Variants in SCAPER observed in about 807,000 individuals in gnomAD.
SCAPER encodes S phase cyclin A-associated protein in the endoplasmic reticulum.
SCAPER carries 98 observed loss-of-function variants against 182.2 expected under a neutral mutation model. The ratio of observed to expected loss-of-function variants is 0.54; its 90% CI spans 0.46 to 0.64. The LOEUF is 0.64. Ranked by LOEUF, SCAPER falls within the 30% of genes least tolerant of loss-of-function variation. The probability of loss-of-function intolerance (pLI) is 0.00; values close to 1 mark genes in which losing one functional copy is unlikely to be tolerated. For synonymous variants in SCAPER, 605 were observed against 564.6 expected, an observed-to-expected ratio of 1.07 and a Z score of -1.01; for missense variants, 1,432 against 1,690.0, an observed-to-expected ratio of 0.85 and a Z score of 2.68.
Position 76,602,544 on chromosome 15 carries a change from G to A in SCAPER, c.2711+19220C>T. On this transcript the variant is annotated intron_variant, in intron 22 of 31. Coordinates refer to ENST00000563290, the MANE Select transcript of SCAPER (RefSeq NM_020843.4). Reference sequence around the variant, plus strand: ...TAGAATTTTTTGTTTTTGTTTTTTGGGGGAAGCATTTATCTTGCTTGGTAT... The same window carrying A: ...TAGAATTTTTTGTTTTTGTTTTTTGAGGGAAGCATTTATCTTGCTTGGTAT... Among the ~76,000 whole-genome samples the A allele has an allele frequency of 1.7e-5, 2 of 119,824 alleles. 1 individual carries two copies. Among genetic ancestry groups the A allele is most frequent in the Non-Finnish European group, 4.0e-5 (2 of 49,492 alleles). The allele number at this position is 119,824 out of a possible 152,430, so 78.6% of individuals were successfully genotyped here.
At chr15:76,449,702 T>C (rs1367464093) in intron 25 of SCAPER, among the ~76,000 whole-genome samples, 1 of 152,192 alleles carries the variant, frequency 6.6e-6, no homozygotes, top group Non-Finnish European at 1.5e-5. Context: ...TCCACGCCTC[T>C]TGCACCAGCA....
intron 20 of SCAPER, among the ~76,000 whole-genome samples, chr15:76,698,624 G>A (rs1043372435): frequency 3.3e-5 from 5 of 152,156 alleles, no homozygotes; most frequent in African/African-American, 1.2e-4. Context: ...CAAGCAGACA[G>A]TACCAGTCTT....
intron 21 of SCAPER, among the ~76,000 whole-genome samples, chr15:76,634,851 TTG>T (rs34278755): frequency 1.3e-3 from 192 of 149,982 alleles, no homozygotes; most frequent in African/African-American, 3.6e-3. Flanking sequence ...GTGTGGGTAT[TTG>T]TGTGTGTGTG....
chr15:76,425,867 C>T (rs892890979), intron 26 of SCAPER, among the ~76,000 whole-genome samples: 3 of 152,196 alleles, frequency 2.0e-5, no homozygotes, highest in Admixed American at 6.5e-5. Context: ...GTTGGAGTTT[C>T]CTCAGGTCCA....
At chr15:76,781,836 G>A (rs1276998465) in intron 8 of SCAPER, among the ~76,000 whole-genome samples, 3 of 152,158 alleles carry the variant, frequency 2.0e-5, no homozygotes, top group Non-Finnish European at 4.4e-5. Flanking sequence ...ACAAGCAAAT[G>A]CTGAGAGATT....
At position 76,381,802 on chromosome 15, in the gene SCAPER, T is replaced by C. The variant is rs540137438; in HGVS notation, c.3468-187A>G. On this transcript the variant is annotated intron_variant, in intron 27 of 31. Coordinates refer to ENST00000563290, the MANE Select transcript of SCAPER (RefSeq NM_020843.4). ...CCAACTGCACTGTGGCTTTTTCTTC[T>C]CCTGGAAGACCAGGCTGCTGCAGCA... is the stretch of plus-strand genomic sequence containing the variant. Among the ~76,000 whole-genome samples, 9 of 152,324 alleles carry C rather than the reference T, an allele frequency of 5.9e-5. No individual in the cohort carries two copies. In the South Asian group the frequency reaches 6.2e-4, roughly 11 times the overall value.
intron 22 of SCAPER, among the ~76,000 whole-genome samples, chr15:76,583,896 T>C (rs776173033): frequency 5.9e-5 from 9 of 152,196 alleles, no homozygotes; most frequent in Non-Finnish European, 1.2e-4. Context: ...AGAGCTACCA[T>C]ATGATCTAGC....
chr15:76,430,882 C>A (rs930472778), intron 26 of SCAPER, among the ~76,000 whole-genome samples: 2 of 152,148 alleles, frequency 1.3e-5, no homozygotes, highest in South Asian at 2.1e-4. Context: ...TGCATCCCCA[C>A]CCAAACCTCA....
Position 76,762,102 on chromosome 15 carries a change from C to T in SCAPER, c.1725+2859G>A, listed in dbSNP as rs78019975. ...GTCTAAGTTTAGCCACTTCTGCTCT[C>T]TTTTGGTTACAATTTACATGGAATA... On this transcript the variant is annotated intron_variant, in intron 14 of 31. Transcript: ENST00000563290. 7.9e-3 allele frequency among the ~76,000 whole-genome samples: 1,198 copies of T among 152,228 alleles called. 11 individuals are homozygous for T. Among genetic ancestry groups the T allele is most frequent in the African/African-American group, 0.027 (1,137 of 41,530 alleles).
chr15:76,862,348 A>G (rs968739109), intron 3 of SCAPER, 68 bp downstream of exon 3: 4 of 939,530 alleles, frequency 4.3e-6, no homozygotes, highest in Admixed American at 4.5e-5. Context: ...TTTTCAGTCT[A>G]TCTCTTTAGG....
chr15:76,596,311 T>G (rs2049489034), intron 22 of SCAPER, among the ~76,000 whole-genome samples: 1 of 85,878 alleles, frequency 1.2e-5, no homozygotes, highest in African/African-American at 3.2e-5. Flanking sequence ...AGGCAGTAAT[T>G]AATAGCCTAC....
chr15:76,615,534 A>T (rs776427361), intron 22 of SCAPER, among the ~76,000 whole-genome samples: 1 of 139,562 alleles, frequency 7.2e-6, no homozygotes, highest in Non-Finnish European at 1.6e-5. Flanking sequence ...CACACACACA[A>T]ATGAGGCCAG....
At chr15:76,459,255 G>C (rs1211318032) in intron 25 of SCAPER, among the ~76,000 whole-genome samples, 1 of 152,034 alleles carries the variant, frequency 6.6e-6, no homozygotes, top group Non-Finnish European at 1.5e-5. Context: ...TTTGTGCCTC[G>C]CTTATTTCAC....
chr15:76,694,793 C>G (rs1294057833), intron 20 of SCAPER, among the ~76,000 whole-genome samples: 1 of 151,966 alleles, frequency 6.6e-6, no homozygotes, highest in African/African-American at 2.4e-5. Context: ...GATATTTTAA[C>G]AACAAATTTA....
chr15:76,375,033 C>T (rs2042450052), intron 29 of SCAPER, among the ~76,000 whole-genome samples: 1 of 151,384 alleles, frequency 6.6e-6, no homozygotes, highest in Admixed American at 6.6e-5. Context: ...TCAAGACCAG[C>T]CTAGGCAATG....
In SCAPER at chr15:76,534,382, T is replaced by C. The variant is rs894978364; in HGVS notation, c.2839-29408A>G. Among the ~76,000 whole-genome samples, 16 of 152,292 alleles carry C rather than the reference T, an allele frequency of 1.1e-4. No individual in the cohort carries two copies. The East Asian group carries it at 2.7e-3, about 26-fold the overall frequency. On this transcript the variant is annotated intron_variant, in intron 23 of 31. Coordinates refer to ENST00000563290, the MANE Select transcript of SCAPER (RefSeq NM_020843.4). ...CAGCTTTGGGAGGTCATAAGTGTTG[T>C]CATCAGTCTTCAAAAAATATGCACC... is the stretch of plus-strand genomic sequence containing the variant.
chr15:76,397,482 T>G (rs2044149042), intron 27 of SCAPER, among the ~76,000 whole-genome samples: 1 of 140,254 alleles, frequency 7.1e-6, no homozygotes, highest in African/African-American at 2.6e-5. Flanking sequence ...GACTTTTTTT[T>G]TTTTTTTTTT....
At chr15:76,818,555 C>T (rs900495686) in intron 5 of SCAPER, among the ~76,000 whole-genome samples, 2 of 152,200 alleles carry the variant, frequency 1.3e-5, no homozygotes, top group African/African-American at 4.8e-5. Context: ...ATACAAGAGA[C>T]ACTGTTATCC....
chr15:76,425,858 T>C (rs1397495734), intron 26 of SCAPER, among the ~76,000 whole-genome samples: 7 of 152,256 alleles, frequency 4.6e-5, no homozygotes, highest in Non-Finnish European at 7.3e-5. Flanking sequence ...TGCAGGTCTG[T>C]TGGAGTTTCC....
Sources: gnomAD v4.1 joint callset for allele counts (sites outside exome capture counted in the v4.1 genomes callset) on GRCh38, gnomAD v4.1.1 for gene constraint, MANE v1.5 for transcripts, NCBI Gene and HGNC (gene_info 2026-07-23, HGNC 2026-07-21) for gene names.